PTPRD: variants seen among roughly 807,000 people sequenced by gnomAD.
PTPRD encodes the protein protein tyrosine phosphatase receptor type D.
Under a neutral mutation model 214.5 loss-of-function variants are expected in PTPRD, and 34 were observed. The observed-to-expected ratio is 0.16, with a 90% CI of 0.12 to 0.21. PTPRD has a LOEUF of 0.21. Ranked by LOEUF, PTPRD falls within the 10% of genes least tolerant of loss-of-function variation. The pLI is 1.00. For missense variants in PTPRD, 2,545 were observed against 2,398.7 expected, an observed-to-expected ratio of 1.06 and a Z score of -1.27; for synonymous variants, 1,128 against 845.7, an observed-to-expected ratio of 1.33 and a Z score of -5.79.
intron 11 of PTPRD, among the ~76,000 whole-genome samples, chr9:8,843,519 G>C (rs1048371882): frequency 6.6e-6 from 1 of 152,114 alleles, no homozygotes; most frequent in African/African-American, 2.4e-5. Flanking sequence ...TGTCGGTGCT[G>C]GTTCTATATC....
Position 9,700,876 on chromosome 9 carries a change from A to T in PTPRD, c.-287+33657T>A, listed in dbSNP as rs2097485407. On this transcript the variant is annotated intron_variant, in intron 7 of 45. Transcript: ENST00000381196. ...AAAAATGTGGCTTCTGCCATCAAAT[A>T]ACTGACAATCTAACAGAAAGTTACA... Among the ~76,000 whole-genome samples the T allele has an allele frequency of 2.0e-5, 3 of 152,272 alleles. No homozygotes were observed. The South Asian group carries it at 6.2e-4, about 32-fold the overall frequency.
At chr9:8,415,977 C>G (rs893187188) in intron 35 of PTPRD, among the ~76,000 whole-genome samples, 1 of 152,150 alleles carries the variant, frequency 6.6e-6, no homozygotes, top group South Asian at 2.1e-4. Flanking sequence ...CCTTCTCTAC[C>G]TGGCTCAATT....
Position 8,315,697 on chromosome 9 carries a change from CA to C in PTPRD, c.*2176del, listed in dbSNP as rs1317113192. On this transcript the variant is annotated 3_prime_UTR_variant, in exon 46 of 46. Transcript: ENST00000381196. ...CAAAAGTGCTCAAATACAATGCTTG[CA>C]AATGTTTGGTCTCTTGGATTTCACT... 4 of 227,740 alleles carry C rather than the reference CA, an allele frequency of 1.8e-5. No individual in the cohort carries two copies. In the East Asian group the frequency reaches 2.5e-4, roughly 14 times the overall value. 14.1% of individuals were successfully genotyped at this position (227,740 alleles called of 1,614,324 possible).
chr9:9,723,946 T>C (rs2154434387), intron 7 of PTPRD, among the ~76,000 whole-genome samples: 1 of 152,228 alleles, frequency 6.6e-6, no homozygotes, highest in East Asian at 1.9e-4. Flanking sequence ...AATTATGTAA[T>C]CTAGAGATAG....
At chr9:8,630,243 C>A (rs529424772) in intron 14 of PTPRD, among the ~76,000 whole-genome samples, 22 of 151,800 alleles carry the variant, frequency 1.4e-4, no homozygotes, top group Non-Finnish European at 2.5e-4. Flanking sequence ...TCTCCATCTA[C>A]TGCAGAACAG....
chr9:10,342,322 G>T (rs1340713215), intron 2 of PTPRD, among the ~76,000 whole-genome samples: 1 of 151,980 alleles, frequency 6.6e-6, no homozygotes, highest in East Asian at 1.9e-4. Context: ...GAATATAGAA[G>T]AAATTTAACA....
intron 11 of PTPRD, among the ~76,000 whole-genome samples, chr9:8,886,201 T>C (rs991203277): frequency 3.9e-5 from 6 of 152,176 alleles, no homozygotes; most frequent in African/African-American, 9.6e-5. Flanking sequence ...GGAGGGCTGA[T>C]TGAAATTTTT....
chr9:9,817,788 G>A (rs73641374), intron 5 of PTPRD, among the ~76,000 whole-genome samples: 6,241 of 152,218 alleles, frequency 0.041, 407 homozygotes, highest in African/African-American at 0.14. Flanking sequence ...CTTTAGCAGT[G>A]TCAAAAAGTC....
At chr9:9,003,861 A>C (rs571489689) in intron 11 of PTPRD, among the ~76,000 whole-genome samples, 80 of 152,106 alleles carry the variant, frequency 5.3e-4, no homozygotes, top group Non-Finnish European at 7.9e-4. Flanking sequence ...TGATAACGTC[A>C]CTACACATAG....
In PTPRD at chr9:10,357,022, T is replaced by G. The variant is rs543726072; in HGVS notation, c.-599-16005A>C. On this transcript the variant is annotated intron_variant, in intron 2 of 45. Transcript: ENST00000381196. ...AAAAGAATATAGGCACCACCAATAT[T>G]TGTGTACTATTCACTTTCACTTATA... is the stretch of plus-strand genomic sequence containing the variant. Among the ~76,000 whole-genome samples, 15 of 152,262 alleles carry G rather than the reference T, an allele frequency of 9.9e-5. 2 individuals are homozygous for G. Among genetic ancestry groups the G allele is most frequent in the African/African-American group, 3.6e-4 (15 of 41,558 alleles).
At chr9:8,634,425 T>C (rs1286482554) in intron 13 of PTPRD, among the ~76,000 whole-genome samples, 2 of 152,040 alleles carry the variant, frequency 1.3e-5, no homozygotes, top group Non-Finnish European at 2.9e-5. Flanking sequence ...GCCTCATATA[T>C]ATATTTATGG....
At chr9:8,348,327 T>C (rs1283786912) in intron 39 of PTPRD, among the ~76,000 whole-genome samples, 1 of 152,180 alleles carries the variant, frequency 6.6e-6, no homozygotes, top group African/African-American at 2.4e-5. Context: ...CTTTGAATAA[T>C]GCTTTATATA....
chr9:10,073,492 T>G (rs571313547), intron 3 of PTPRD, among the ~76,000 whole-genome samples: 1 of 152,158 alleles, frequency 6.6e-6, no homozygotes, highest in Non-Finnish European at 1.5e-5. Flanking sequence ...AATAAAGAAA[T>G]AACATTAGGT....
At chr9:9,642,065 C>A (rs549438874) in intron 7 of PTPRD, among the ~76,000 whole-genome samples, 68 of 149,448 alleles carry the variant, frequency 4.6e-4, no homozygotes, top group Non-Finnish European at 2.2e-4. Context: ...CACATATACA[C>A]CATGGAATAC....
At chr9:9,828,377 C>T (rs926905030) in intron 5 of PTPRD, among the ~76,000 whole-genome samples, 1 of 152,098 alleles carries the variant, frequency 6.6e-6, no homozygotes, top group Non-Finnish European at 1.5e-5. Flanking sequence ...AACTGGAAAT[C>T]ATTCTCAGTA....
At chr9:8,382,019 G>T (rs555459818) in intron 37 of PTPRD, among the ~76,000 whole-genome samples, 8 of 152,236 alleles carry the variant, frequency 5.3e-5, no homozygotes, top group African/African-American at 1.7e-4. Flanking sequence ...GGATCACCTG[G>T]GTGCCCCACA....
At chr9:10,105,090 A>G (rs557383579) in intron 3 of PTPRD, among the ~76,000 whole-genome samples, 33 of 151,912 alleles carry the variant, frequency 2.2e-4, no homozygotes, top group African/African-American at 6.3e-4. Context: ...CTCATTCTCC[A>G]TAACTCTGAA....
chr9:9,187,763 G>A (rs1364029456), intron 9 of PTPRD, among the ~76,000 whole-genome samples: 1 of 151,166 alleles, frequency 6.6e-6, no homozygotes, highest in African/African-American at 2.4e-5. Context: ...TACCTCTCAT[G>A]ACTAAAGAAT....
chr9:8,318,997 C>T (rs1587267866), intron 45 of PTPRD, among the ~76,000 whole-genome samples: 1 of 152,020 alleles, frequency 6.6e-6, no homozygotes, highest in African/African-American at 2.4e-5. Context: ...ACTTTCCTAT[C>T]TTGTCACAGT....
Sources: allele counts gnomAD v4.1 joint callset (sites outside exome capture counted in the v4.1 genomes callset), GRCh38; gene constraint gnomAD v4.1.1; transcripts MANE v1.5; gene names NCBI Gene and HGNC (gene_info 2026-07-23, HGNC 2026-07-21).